The following CALCR variants were observed in gnomAD, a reference collection of about 807,000 sequenced individuals.
The protein encoded by CALCR is calcitonin receptor.
CALCR carries 47 observed loss-of-function variants against 59.5 expected under a neutral mutation model. The observed-to-expected ratio is 0.79, with a 90% CI of 0.63 to 1.01. The LOEUF (loss-of-function observed/expected upper bound fraction) is 1.01. CALCR is among the 50% of genes least tolerant of loss of function. The pLI is 0.00. For missense variants in CALCR, 566 were observed against 597.1 expected, an observed-to-expected ratio of 0.95 and a Z score of 0.54; for synonymous variants, 213 against 211.3, an observed-to-expected ratio of 1.01 and a Z score of -0.07.
rs79165080 is a variant in CALCR, at chr7:93,547,386, C to T, written c.-27+26903G>A. On this transcript the variant is annotated intron_variant, in intron 2 of 13. Coordinates refer to ENST00000426151, the MANE Select transcript of CALCR (RefSeq NM_001742.4). ...GTACTTGAAATTGCATTGCAAGTGTCAGTTATTATCATGCTAACAAATTTA... is the reference window on the plus strand; with the variant it reads ...GTACTTGAAATTGCATTGCAAGTGTTAGTTATTATCATGCTAACAAATTTA... 3.3e-5 allele frequency among the ~76,000 whole-genome samples: 5 copies of T among 152,216 alleles called. No homozygotes were observed. In the South Asian group the frequency reaches 1.0e-3, roughly 32 times the overall value.
At chr7:93,445,465 C>A (rs1799990606) in intron 8 of CALCR, among the ~76,000 whole-genome samples, 1 of 151,970 alleles carries the variant, frequency 6.6e-6, no homozygotes, top group Non-Finnish European at 1.5e-5. Flanking sequence ...TGGTCTTATG[C>A]CTTTGTCACC....
chr7:93,563,690 A>C (rs1019879298), intron 2 of CALCR, among the ~76,000 whole-genome samples: 3 of 152,232 alleles, frequency 2.0e-5, no homozygotes, highest in Non-Finnish European at 4.4e-5. Flanking sequence ...GCTCAAAGGC[A>C]CACAAAATGC....
chr7:93,442,714 CAG>C (rs530026811), intron 9 of CALCR, among the ~76,000 whole-genome samples: 306 of 152,268 alleles, frequency 2.0e-3, no homozygotes, highest in Non-Finnish European at 3.1e-3. Context: ...CCTCTGCTCT[CAG>C]AGTCACAGTC....
intron 2 of CALCR, among the ~76,000 whole-genome samples, chr7:93,547,991 A>G (rs1054224762): frequency 6.6e-6 from 1 of 152,150 alleles, no homozygotes; most frequent in African/African-American, 2.4e-5. Flanking sequence ...CTTCCCTAAG[A>G]CAGTGGTTTT....
intron 2 of CALCR, among the ~76,000 whole-genome samples, chr7:93,558,345 T>A (rs1219468539): frequency 6.6e-6 from 1 of 152,092 alleles, no homozygotes; most frequent in Non-Finnish European, 1.5e-5. Context: ...TATTTCTTTG[T>A]ATACCATGGT....
Position 93,461,926 on chromosome 7 carries a change from G to A in CALCR, c.522-979C>T, listed in dbSNP as rs1108233. ...TAGTATAATGTCATTCACCATGTGA[G>A]AGCGTAAAACATGCCAATGACTCAT... On this transcript the variant is annotated intron_variant, in intron 7 of 13. Coordinates refer to ENST00000426151, the MANE Select transcript of CALCR (RefSeq NM_001742.4). 287,244 of 615,432 alleles carry A rather than the reference G, an allele frequency of 0.47. 68,275 individuals are homozygous for A. The highest frequency in any genetic ancestry group is 0.55 in the Middle Eastern group (1,823 of 3,294). The allele number at this position is 615,432 out of a possible 1,614,324, so 38.1% of individuals were successfully genotyped here.
chr7:93,556,835 A>G (rs1367288888), intron 2 of CALCR, among the ~76,000 whole-genome samples: 6 of 152,024 alleles, frequency 3.9e-5, no homozygotes, highest in Non-Finnish European at 8.8e-5. Context: ...TCTTTGAAAT[A>G]CTACAAATGA....
chr7:93,449,835 G>T (rs1345728540), intron 8 of CALCR, among the ~76,000 whole-genome samples: 1 of 151,994 alleles, frequency 6.6e-6, no homozygotes, highest in Non-Finnish European at 1.5e-5. Flanking sequence ...TCCTGTGGGG[G>T]CATCTTAAAT....
intron 12 of CALCR, 101 bp downstream of exon 12, chr7:93,435,847 TAAAC>T (rs1178532610): frequency 1.0e-5 from 4 of 400,398 alleles, no homozygotes; most frequent in Middle Eastern, 6.8e-4. Flanking sequence ...AATAAATAAA[TAAAC>T]AAATAAGTAA....
At chr7:93,533,653 G>A (rs1788906885) in intron 2 of CALCR, among the ~76,000 whole-genome samples, 1 of 151,990 alleles carries the variant, frequency 6.6e-6, no homozygotes, top group Admixed American at 6.6e-5. Context: ...GAAGGTTTAG[G>A]TGGGGAAGCA....
At chr7:93,564,509 A>G (rs1450274163) in intron 2 of CALCR, among the ~76,000 whole-genome samples, 2 of 152,052 alleles carry the variant, frequency 1.3e-5, no homozygotes, top group Non-Finnish European at 2.9e-5. Flanking sequence ...ATGGAGTGCA[A>G]TGGCACTATC....
chr7:93,555,376 C>T (rs560846815), intron 2 of CALCR, among the ~76,000 whole-genome samples: 216 of 152,176 alleles, frequency 1.4e-3, no homozygotes, highest in Non-Finnish European at 2.5e-3. Flanking sequence ...AAAAGGCTGA[C>T]TCATTACTCT....
chr7:93,498,906 A>G (rs1299512805), intron 2 of CALCR, among the ~76,000 whole-genome samples: 3 of 151,660 alleles, frequency 2.0e-5, no homozygotes, highest in Non-Finnish European at 4.4e-5. Context: ...AACTATGGCA[A>G]ATATTAGAAG....
rs966026164 is a variant in CALCR, at chr7:93,435,858, G to A, written c.1149+94C>T. The A allele has an allele frequency of 1.1e-5, 5 of 455,060 alleles. No homozygotes were observed. The Admixed American group carries it at 1.6e-4, about 15-fold the overall frequency. 28.2% of individuals were successfully genotyped at this position (455,060 alleles called of 1,614,324 possible). A position where few individuals can be genotyped will look rare whatever the true frequency, so the allele number is the denominator to read the frequency against. On this transcript the variant is annotated intron_variant, in intron 12 of 13. Transcript: ENST00000426151. ...AATAAATAAATAAATAAACAAATAA[G>A]TAAAATAATAATAAAAGATCATGGG...
chr7:93,506,398 C>A (rs1253725912), intron 2 of CALCR, among the ~76,000 whole-genome samples: 2 of 152,134 alleles, frequency 1.3e-5, no homozygotes, highest in East Asian at 3.9e-4. Context: ...CTCATTTGCA[C>A]ACTTGAGGCC....
chr7:93,434,124 T>G, intron 13 of CALCR, 129 bp downstream of exon 13: 1 of 714,968 alleles, frequency 1.4e-6, no homozygotes, highest in Non-Finnish European at 2.5e-6. Context: ...AAACATCATG[T>G]TGCTAATCAC....
At chr7:93,523,402 A>C (rs1431641057) in intron 2 of CALCR, among the ~76,000 whole-genome samples, 2 of 152,182 alleles carry the variant, frequency 1.3e-5, no homozygotes, top group African/African-American at 4.8e-5. Context: ...TGTTCTTGTA[A>C]TCACTACATT....
chr7:93,554,499 T>G (rs1193269921), intron 2 of CALCR, among the ~76,000 whole-genome samples: 2 of 152,010 alleles, frequency 1.3e-5, no homozygotes, highest in African/African-American at 4.8e-5. Context: ...ATAATTCATT[T>G]CCAACAAGGG....
At chr7:93,427,942 T>G (rs1799565337) in intron 13 of CALCR, among the ~76,000 whole-genome samples, 1 of 152,168 alleles carries the variant, frequency 6.6e-6, no homozygotes, top group Non-Finnish European at 1.5e-5. Context: ...TCAGAATTAT[T>G]TAGCAATCTG....
Sources: gnomAD v4.1 joint callset for allele counts (sites outside exome capture counted in the v4.1 genomes callset) on GRCh38, gnomAD v4.1.1 for gene constraint, MANE v1.5 for transcripts, NCBI Gene and HGNC (gene_info 2026-07-23, HGNC 2026-07-21) for gene names.